Variants in PRDM7 observed in about 807,000 individuals in gnomAD.
PRDM7 encodes the protein histone-lysine N-methyltransferase PRDM7.
In PRDM7, 52 loss-of-function variants were observed where a neutral mutation model predicts 64.3. The observed-to-expected ratio is 0.81, with a 90% confidence interval of 0.65 to 1.02. PRDM7 has a LOEUF of 1.02. PRDM7 is among the 50% of genes least tolerant of loss of function. The pLI is 0.00. For missense variants in PRDM7, 574 were observed against 597.1 expected (o/e 0.96, Z 0.40); for synonymous variants, 192 against 210.1 (o/e 0.91, Z 0.74).
In PRDM7 at chr16:90,075,044, T is replaced by C. The variant is rs760593939; in HGVS notation, c.194-21A>G. The C allele has an allele frequency of 6.2e-7, 1 of 1,613,950 alleles. No homozygotes were observed. The highest frequency in any genetic ancestry group is 8.5e-7 in the Non-Finnish European group (1 of 1,179,906). On this transcript the variant is annotated intron_variant, in intron 3 of 10. Transcript: ENST00000449207. This position sits in a 1 kb window ranked among gnomAD's most constrained non-coding sequence, Gnocchi z 4.3. ...GAGACCTGAAAAGAAGCAAAAAATT[T>C]TGCTCTGAAACGGAAGAGCTGGGAT... is the stretch of plus-strand genomic sequence containing the variant.
In PRDM7 at chr16:90,066,912, T is replaced by TA. The variant is rs2037883207; in HGVS notation, c.302-3dup. 2 of 1,593,118 alleles carry TA rather than the reference T, an allele frequency of 1.3e-6. No homozygotes were observed. The highest frequency in any genetic ancestry group is 1.7e-6 in the Non-Finnish European group (2 of 1,163,612). ...TGAAGGCCATCCAAGGAGGTTTGAC[T>TA]AAGAGGTGATGAGAAATCAGTGGTT... On this transcript the variant is annotated splice_region_variant and splice_polypyrimidine_tract_variant and intron_variant, in intron 4 of 10. Transcript: ENST00000449207.
chr16:90,072,230 CA>C (rs199642434), intron 4 of PRDM7, among the ~76,000 whole-genome samples: 7,705 of 106,884 alleles, frequency 0.072, 196 homozygotes, highest in South Asian at 0.095. Context: ...GACTCCATCT[CA>C]AAAAAAAAAA....
chr16:90,062,087 G>A lies in PRDM7; in HGVS notation c.716C>T (p.Ala239Val), dbSNP rs1567875767. Residue 239 changes from alanine to valine, a missense_variant, in exon 8 of 11, where the codon GCC becomes GTC. By Grantham distance (64) the Ala-to-Val change is moderately conservative (BLOSUM62 0). Coordinates refer to ENST00000449207, the MANE Select transcript of PRDM7 (RefSeq NM_001098173.2). ...AVDKGHPNRSALSLPPGLRIG... is the reference protein window; with the variant it reads ...AVDKGHPNRSVLSLPPGLRIG... ...TCTCAGCCCCGGGGGCAGACTGAGGGCTGAACGGTTGGGATGCCCCTTGTC... is the reference window on the plus strand; with the variant it reads ...TCTCAGCCCCGGGGGCAGACTGAGGACTGAACGGTTGGGATGCCCCTTGTC... 1 of 1,614,224 alleles carries A rather than the reference G, an allele frequency of 6.2e-7. No homozygotes were observed. The highest frequency in any genetic ancestry group is 2.2e-5 in the East Asian group (1 of 44,884).
chr16:90,057,951 C>G lies in PRDM7; in HGVS notation c.*338G>C. The G allele has an allele frequency of 6.3e-7, 1 of 1,599,846 alleles. No individual in the cohort carries two copies. The highest frequency in any genetic ancestry group is 8.5e-7 in the Non-Finnish European group (1 of 1,170,580). On this transcript the variant is annotated 3_prime_UTR_variant, in exon 11 of 11. Transcript: ENST00000449207. ...CACTCTCTGCAGACATAAGGCTTCT[C>G]CCCTGTGTGTGTCCTCTGGTGACTG...
intron 5 of PRDM7, among the ~76,000 whole-genome samples, chr16:90,065,359 C>G (rs1383792353): frequency 2.3e-5 from 3 of 132,748 alleles, no homozygotes; most frequent in Non-Finnish European, 4.6e-5. Context: ...CGCCACTGCA[C>G]TCCAGCCTGG....
At chr16:90,063,446 A>T (rs1182977407) in intron 6 of PRDM7, among the ~76,000 whole-genome samples, 166 bp downstream of exon 6, 1 of 152,140 alleles carries the variant, frequency 6.6e-6, no homozygotes, top group African/African-American at 2.4e-5. Flanking sequence ...TCAGTGAACA[A>T]ATAAATAAAT....
chr16:90,057,668 GA>G lies in PRDM7; in HGVS notation c.*620del. On this transcript the variant is annotated 3_prime_UTR_variant, in exon 11 of 11. Transcript: ENST00000449207. ...CCTGTTCTTCCTCAACTCTAGTCAT[GA>G]AAGTGGCGGATTTGTTTAATTAGTT... 1 of 1,132,442 alleles carries G rather than the reference GA, an allele frequency of 8.8e-7. No individual in the cohort carries two copies. The allele number at this position is 1,132,442 out of a possible 1,614,324, so 70.1% of individuals were successfully genotyped here.
rs771082396 is a variant in PRDM7 at position 90,056,945 on chromosome 16, T to G, written c.*1344A>C. 1 of 152,186 alleles carries G rather than the reference T, an allele frequency of 6.6e-6. No individual in the cohort carries two copies. Among genetic ancestry groups the G allele is most frequent in the Non-Finnish European group, 1.5e-5 (1 of 68,052 alleles). The allele number at this position is 152,186 out of a possible 1,614,324, so 9.4% of individuals were successfully genotyped here. A position where few individuals can be genotyped will look rare whatever the true frequency, so the allele number is the denominator to read the frequency against. On this transcript the variant is annotated 3_prime_UTR_variant, in exon 11 of 11. Coordinates refer to ENST00000449207, the MANE Select transcript of PRDM7 (RefSeq NM_001098173.2). Reference sequence around the variant, plus strand: ...CAGGCTACCTGCCTTTAGTTTTGCTTCTTTTTCCTTTTCTGAGTATAAAAC... The same window carrying G: ...CAGGCTACCTGCCTTTAGTTTTGCTGCTTTTTCCTTTTCTGAGTATAAAAC...
In PRDM7 at chr16:90,060,494, C is replaced by G; in HGVS notation, c.1080G>C (p.Glu360Asp). The G allele has an allele frequency of 6.2e-7, 1 of 1,613,920 alleles. No homozygotes were observed. The highest frequency in any genetic ancestry group is 1.1e-5 in the South Asian group (1 of 91,052). Residue 360 changes from glutamate (E) to aspartate (D), a missense_variant, in exon 10 of 11, where the codon GAG (glutamate) becomes GAC (aspartate). Coordinates refer to ENST00000449207, the MANE Select transcript of PRDM7 (RefSeq NM_001098173.2). Reference sequence around the variant, plus strand: ...ATCTGATGCCCAGTTCCTGGCCATACTCATCCCCAGACCAGACCAGCAGTT... The same window carrying G: ...ATCTGATGCCCAGTTCCTGGCCATAGTCATCCCCAGACCAGACCAGCAGTT... ...GCELLVWSGDEYGQELGIRSS... is the reference protein window; with the variant it reads ...GCELLVWSGDDYGQELGIRSS...
chr16:90,076,226 T>G (rs2038034588), intron 1 of PRDM7, among the ~76,000 whole-genome samples: 1 of 152,096 alleles, frequency 6.6e-6, no homozygotes, highest in Non-Finnish European at 1.5e-5. Flanking sequence ...CCCCTGCAGC[T>G]TGGCTCATTT....
At position 90,073,495 on chromosome 16, in the gene PRDM7, G is replaced by A. The variant is rs191948139; in HGVS notation, c.301+1421C>T. On this transcript the variant is annotated intron_variant, in intron 4 of 10. Transcript: ENST00000449207. ...GCTCACTGCAAGCTCCGCCTCCCGG[G>A]TTCATGCCATTCTCCTGCCTCAGCC... Among the ~76,000 whole-genome samples the A allele has an allele frequency of 5.5e-3, 832 of 151,870 alleles. 7 individuals carry two copies. Among genetic ancestry groups the A allele is most frequent in the Non-Finnish European group, 8.7e-3 (594 of 67,952 alleles).
At position 90,056,825 on chromosome 16, in the gene PRDM7, TC is replaced by T. The variant is rs1277827130; in HGVS notation, c.*1463del. On this transcript the variant is annotated 3_prime_UTR_variant, in exon 11 of 11. Coordinates refer to ENST00000449207, the MANE Select transcript of PRDM7 (RefSeq NM_001098173.2). ...TCTATAGATAACATCAGTTGCTAGG[TC>T]AGGGGTCGAATTTTAACTACCAGGC... The T allele has an allele frequency of 6.6e-6, 1 of 152,172 alleles. No homozygotes were observed. The highest frequency in any genetic ancestry group is 1.5e-5 in the Non-Finnish European group (1 of 68,066). The allele number at this position is 152,172 out of a possible 1,614,324, so 9.4% of individuals were successfully genotyped here. A position where few individuals can be genotyped will look rare whatever the true frequency, so the allele number is the denominator to read the frequency against.
chr16:90,072,537 C>A (rs1367422793), intron 4 of PRDM7, among the ~76,000 whole-genome samples: 1 of 152,086 alleles, frequency 6.6e-6, no homozygotes, highest in Non-Finnish European at 1.5e-5. Context: ...CTAAAGTAAC[C>A]AAATTCATAG....
intron 8 of PRDM7, 111 bp downstream of exon 8, chr16:90,061,810 G>A: frequency 5.3e-6 from 8 of 1,515,206 alleles, no homozygotes; most frequent in Non-Finnish European, 5.4e-6. Context: ...AGTACACAGA[G>A]CTAACCATGT....
At chr16:90,070,055 GAA>G (rs60701633) in intron 4 of PRDM7, 13 of 143,850 alleles carry the variant, frequency 9.0e-5, no homozygotes, top group South Asian at 4.1e-4. Flanking sequence ...AACTCTGTCT[GAA>G]AAAAAAAAAC....
chr16:90,064,173 G>A (rs1390390317), intron 5 of PRDM7, among the ~76,000 whole-genome samples: 2 of 152,168 alleles, frequency 1.3e-5, no homozygotes, highest in Non-Finnish European at 2.9e-5. Flanking sequence ...GGAAAATGAG[G>A]TAATAGGGCA....
At chr16:90,063,957 C>T (rs1367806269) in intron 5 of PRDM7, among the ~76,000 whole-genome samples, 189 bp from the exon 6 acceptor site, 1 of 152,230 alleles carries the variant, frequency 6.6e-6, no homozygotes. Context: ...TGTCTTAAGG[C>T]TCTTTCCTTC....
At chr16:90,064,214 T>A (rs2037832762) in intron 5 of PRDM7, among the ~76,000 whole-genome samples, 1 of 152,204 alleles carries the variant, frequency 6.6e-6, no homozygotes, top group Non-Finnish European at 1.5e-5. Flanking sequence ...AAGAGATGAT[T>A]GGCAAAAATA....
At chr16:90,063,421 G>C (rs558487979) in intron 6 of PRDM7, among the ~76,000 whole-genome samples, 191 bp downstream of exon 6, 1 of 152,136 alleles carries the variant, frequency 6.6e-6, no homozygotes, top group Non-Finnish European at 1.5e-5. Context: ...CTGGGTGACA[G>C]AGTAAGACTC....
Sources: gnomAD v4.1 joint callset for allele counts (sites outside exome capture counted in the v4.1 genomes callset) on GRCh38, gnomAD v4.1.1 for gene constraint, Gnocchi (gnomAD v3.1) non-coding constraint, MANE v1.5 for transcripts, NCBI Gene and HGNC (gene_info 2026-07-23, HGNC 2026-07-21) for gene names.